The following LCORL variants were observed in gnomAD, a reference collection of about 807,000 sequenced individuals.
LCORL encodes ligand dependent nuclear receptor corepressor like.
A neutral mutation model predicts 141.8 loss-of-function variants in LCORL; 41 were observed. The observed-to-expected ratio is 0.29, with a 90% CI of 0.23 to 0.38. The LOEUF is 0.38. Ranked by LOEUF, LCORL falls within the 10% of genes least tolerant of loss-of-function variation. The probability of loss-of-function intolerance (pLI) is 1.00; values close to 1 mark genes in which losing one functional copy is unlikely to be tolerated. For synonymous variants in LCORL, 618 were observed against 694.1 expected, an observed-to-expected ratio of 0.89 and a Z score of 1.72; for missense variants, 1,759 against 2,035.0, an observed-to-expected ratio of 0.86 and a Z score of 2.61.
chr4:17,969,452 A>G (rs1215068611), intron 2 of LCORL, among the ~76,000 whole-genome samples: 1 of 152,208 alleles, frequency 6.6e-6, no homozygotes, highest in Non-Finnish European at 1.5e-5. Flanking sequence ...CGTGTAAGAT[A>G]AAAAGTCTTT....
exon 8 of LCORL, chr4:17,845,062 A>G (rs1034802630): frequency 6.6e-6 from 1 of 152,262 alleles, no homozygotes; most frequent in Non-Finnish European, 1.5e-5. Flanking sequence ...ACTTACAGAA[A>G]CCACATAGTA....
chr4:18,007,056 C>A (rs1722939076), intron 1 of LCORL, among the ~76,000 whole-genome samples: 1 of 152,166 alleles, frequency 6.6e-6, no homozygotes, highest in Admixed American at 6.5e-5. Flanking sequence ...GTTTCCACTA[C>A]TACCCTCAAA....
chr4:18,020,773 A>C (rs1040760159), intron 1 of LCORL: 10 of 151,786 alleles, frequency 6.6e-5, no homozygotes, highest in Admixed American at 4.6e-4. Flanking sequence ...TGTGTGTGTA[A>C]GGAAGAGTCC....
intron 1 of LCORL, among the ~76,000 whole-genome samples, chr4:18,011,572 T>A (rs1448882560): frequency 1.3e-5 from 2 of 152,234 alleles, no homozygotes; most frequent in African/African-American, 4.8e-5. Flanking sequence ...ATATCATTAT[T>A]TATACTTAAA....
At chr4:17,900,864 G>C (rs1730749382) in intron 5 of LCORL, among the ~76,000 whole-genome samples, 1 of 152,096 alleles carries the variant, frequency 6.6e-6, no homozygotes, top group South Asian at 2.1e-4. Context: ...TATTTGAACA[G>C]ATAATGGCTG....
At chr4:17,966,941 G>A (rs73242136) in intron 2 of LCORL, among the ~76,000 whole-genome samples, 1 of 152,140 alleles carries the variant, frequency 6.6e-6, no homozygotes, top group Non-Finnish European at 1.5e-5. Flanking sequence ...CAAATGAGTT[G>A]AAAAAATTTG....
At chr4:17,946,142 T>C (rs145398827) in intron 4 of LCORL, among the ~76,000 whole-genome samples, 1 of 152,060 alleles carries the variant, frequency 6.6e-6, no homozygotes, top group East Asian at 1.9e-4. Flanking sequence ...AAAACCCACC[T>C]TAGAAACTAT....
At chr4:17,990,350 C>T (rs112814037) in intron 1 of LCORL, among the ~76,000 whole-genome samples, 2 of 151,690 alleles carry the variant, frequency 1.3e-5, no homozygotes, top group Non-Finnish European at 2.9e-5. Flanking sequence ...CCACCCGCCT[C>T]GGCCTGCCAA....
At chr4:17,907,628 C>G (rs1210606046) in intron 5 of LCORL, among the ~76,000 whole-genome samples, 1 of 152,038 alleles carries the variant, frequency 6.6e-6, no homozygotes, top group Admixed American at 6.5e-5. Flanking sequence ...TAAGCCTTCA[C>G]AGGTGTCCAA....
At chr4:17,882,166 A>G in intron 6 of LCORL, 3 of 983,922 alleles carry the variant, frequency 3.0e-6, no homozygotes, top group Non-Finnish European at 3.6e-6. Flanking sequence ...TTACACGTAT[A>G]TATGATTATT....
intron 4 of LCORL, among the ~76,000 whole-genome samples, chr4:17,927,112 G>A (rs1363918920): frequency 2.0e-5 from 3 of 152,208 alleles, no homozygotes; most frequent in African/African-American, 7.2e-5. Flanking sequence ...TGGATAGCCT[G>A]CTGCAGCTTC....
intron 1 of LCORL, among the ~76,000 whole-genome samples, chr4:18,015,422 GA>G (rs1441394543): frequency 3.9e-5 from 6 of 152,050 alleles, no homozygotes; most frequent in African/African-American, 1.2e-4. Context: ...AAAGATCCAA[GA>G]GTACAGAGAA....
At chr4:17,890,486 A>C (rs1227027229) in intron 5 of LCORL, among the ~76,000 whole-genome samples, 1 of 152,078 alleles carries the variant, frequency 6.6e-6, no homozygotes, top group Non-Finnish European at 1.5e-5. Flanking sequence ...AATCAGAGGT[A>C]AATATGAACA....
chr4:17,983,749 T>C (rs1299215704), intron 1 of LCORL, among the ~76,000 whole-genome samples: 1 of 152,190 alleles, frequency 6.6e-6, no homozygotes, highest in Non-Finnish European at 1.5e-5. Context: ...CATATTTGGA[T>C]GTGCTTTATT....
At chr4:17,957,639 G>C (rs1429611206) in intron 4 of LCORL, among the ~76,000 whole-genome samples, 1 of 151,964 alleles carries the variant, frequency 6.6e-6, no homozygotes, top group African/African-American at 2.4e-5. Context: ...ATTTTTATCA[G>C]AAATGTAAAA....
exon 7 of LCORL, chr4:17,876,400 T>G: frequency 1.6e-6 from 2 of 1,230,926 alleles, no homozygotes; most frequent in Non-Finnish European, 2.0e-6. Flanking sequence ...ATCAATTTCT[T>G]GGATGCTTTA....
chr4:17,992,891 T>C (rs536806613), intron 1 of LCORL, among the ~76,000 whole-genome samples: 1 of 152,304 alleles, frequency 6.6e-6, no homozygotes, highest in East Asian at 1.9e-4. Context: ...TGGGTTTAAA[T>C]GCAAAAAGAC....
Position 17,998,584 on chromosome 4 carries a change from T to G in LCORL, c.154+23014A>C, listed in dbSNP as rs566375171. 3.7e-4 allele frequency among the ~76,000 whole-genome samples: 56 copies of G among 152,276 alleles called. 1 individual carries two copies. Among genetic ancestry groups the G allele is most frequent in the South Asian group, 2.7e-3 (13 of 4,830 alleles). ...ACTGGAAAATCTTCAGGGGCAATAATAGGCATGGAGCTGTCATCTATGATA... is the reference window on the plus strand; with the variant it reads ...ACTGGAAAATCTTCAGGGGCAATAAGAGGCATGGAGCTGTCATCTATGATA... On this transcript the variant is annotated intron_variant, in intron 1 of 7. Coordinates refer to ENST00000635767, the Ensembl canonical transcript of LCORL.
chr4:17,856,626 C>T (rs936084312), intron 7 of LCORL, among the ~76,000 whole-genome samples: 6 of 152,232 alleles, frequency 3.9e-5, no homozygotes, highest in African/African-American at 1.4e-4. Flanking sequence ...ACAAAACACA[C>T]TTTCCTTTTG....
Sources: allele counts gnomAD v4.1 joint callset (sites outside exome capture counted in the v4.1 genomes callset), GRCh38; gene constraint gnomAD v4.1.1; transcripts MANE v1.5; gene names NCBI Gene and HGNC (gene_info 2026-07-23, HGNC 2026-07-21).